BRD10: variants seen among roughly 807,000 people sequenced by gnomAD.
The protein encoded by BRD10 is bromodomain containing 10.
chr9:5,921,907 T>C, the BRD10 span: 2 of 1,613,906 alleles, frequency 1.2e-6, no homozygotes, highest in Non-Finnish European at 1.7e-6. Context: ...TCCCCATGGA[T>C]GGGGCAAAGC....
the BRD10 span, among the ~76,000 whole-genome samples, chr9:5,987,689 A>T: frequency 6.6e-6 from 1 of 152,214 alleles, no homozygotes; most frequent in African/African-American, 2.4e-5. Flanking sequence ...AAGTCCTTAT[A>T]ACATTAGTAA....
the BRD10 span, among the ~76,000 whole-genome samples, chr9:5,926,137 C>CA: frequency 6.6e-6 from 1 of 152,064 alleles, no homozygotes; most frequent in Non-Finnish European, 1.5e-5. Context: ...AAGCTGGTCT[C>CA]AAATTCCTGA....
the BRD10 span, among the ~76,000 whole-genome samples, chr9:5,946,286 C>A: frequency 6.6e-6 from 1 of 151,642 alleles, no homozygotes; most frequent in African/African-American, 2.4e-5. Flanking sequence ...TAGAATTGAC[C>A]AAGTAGGGAA....
the BRD10 span, among the ~76,000 whole-genome samples, chr9:5,983,957 T>C: frequency 7.4e-5 from 9 of 121,500 alleles, no homozygotes; most frequent in Non-Finnish European, 1.2e-4. Context: ...TATATGTATA[T>C]GCATTACACA....
At chr9:5,913,229 C>T in the BRD10 span, among the ~76,000 whole-genome samples, 1 of 152,188 alleles carries the variant, frequency 6.6e-6, no homozygotes, top group Non-Finnish European at 1.5e-5. Flanking sequence ...GACCAGTCCT[C>T]TGAAGTCACA....
chr9:5,951,035 TACACACAC>T, the BRD10 span, among the ~76,000 whole-genome samples: 24,313 of 141,638 alleles, frequency 0.17, 2,111 homozygotes, highest in Middle Eastern at 0.26. Flanking sequence ...GGGCTGACTG[TACACACAC>T]ACACACACAC....
At chr9:5,934,614 C>T in the BRD10 span, among the ~76,000 whole-genome samples, 1 of 152,160 alleles carries the variant, frequency 6.6e-6, no homozygotes, top group Middle Eastern at 3.4e-3. Context: ...GATCCACCTG[C>T]CTTGGCCTCC....
At chr9:5,997,990 A>G in the BRD10 span, among the ~76,000 whole-genome samples, 1 of 152,212 alleles carries the variant, frequency 6.6e-6, no homozygotes, top group African/African-American at 2.4e-5. Context: ...AATAGAAAGA[A>G]ATAGGCAAGA....
the BRD10 span, among the ~76,000 whole-genome samples, chr9:5,965,324 A>G: frequency 4.9e-4 from 75 of 152,278 alleles, no homozygotes; most frequent in African/African-American, 1.7e-3. Context: ...ATTCAAAAAA[A>G]AAACACTACG....
chr9:5,909,664 T>C, the BRD10 span: 1 of 152,230 alleles, frequency 6.6e-6, no homozygotes, highest in Non-Finnish European at 1.5e-5. Context: ...AACCAGAAAT[T>C]GGTAGAAGGA....
At chr9:5,916,561 T>C in the BRD10 span, among the ~76,000 whole-genome samples, 1 of 139,806 alleles carries the variant, frequency 7.2e-6, no homozygotes, top group South Asian at 2.5e-4. Flanking sequence ...TCACTATATA[T>C]AAAACATATA....
chr9:6,007,117 G>A, the BRD10 span: 6 of 1,452,496 alleles, frequency 4.1e-6, no homozygotes, highest in Admixed American at 5.5e-5. Context: ...CAGGCCCCTG[G>A]CCCAGCCCAT....
the BRD10 span, among the ~76,000 whole-genome samples, chr9:5,933,411 A>C: frequency 6.6e-6 from 1 of 152,192 alleles, no homozygotes; most frequent in Admixed American, 6.5e-5. Flanking sequence ...GGAACCAAAG[A>C]CATACAATAT....
the BRD10 span, chr9:5,920,796 T>C: frequency 6.2e-7 from 1 of 1,613,974 alleles, no homozygotes; most frequent in South Asian, 1.1e-5. Flanking sequence ...GTTAAACATT[T>C]AGGAGACACT....
chr9:5,908,579 C>T, the BRD10 span: 1 of 1,368,450 alleles, frequency 7.3e-7, no homozygotes, highest in Non-Finnish European at 1.0e-6. Context: ...TTAACTTAAT[C>T]CCTTCCTAGA....
At chr9:5,969,210 G>A in the BRD10 span, 2 of 1,613,766 alleles carry the variant, frequency 1.2e-6, no homozygotes, top group East Asian at 2.2e-5. Context: ...ATTTTCGATA[G>A]AAAAGCATTA....
the BRD10 span, among the ~76,000 whole-genome samples, chr9:5,887,987 G>A: frequency 6.6e-6 from 1 of 152,144 alleles, no homozygotes; most frequent in Non-Finnish European, 1.5e-5. Flanking sequence ...CCAGTATCTG[G>A]TGGGTTGGTA....
At chr9:5,943,221 G>C in the BRD10 span, among the ~76,000 whole-genome samples, 1 of 152,054 alleles carries the variant, frequency 6.6e-6, no homozygotes, top group African/African-American at 2.4e-5. Context: ...AGTACCAATG[G>C]AAATGAGGTG....
chr9:5,948,365 A>C, the BRD10 span, among the ~76,000 whole-genome samples: 1 of 152,080 alleles, frequency 6.6e-6, no homozygotes, highest in Admixed American at 6.6e-5. Context: ...TAACAACTGA[A>C]CTTGTATTAT....
Sources: allele counts gnomAD v4.1 joint callset (sites outside exome capture counted in the v4.1 genomes callset), GRCh38; gene constraint gnomAD v4.1.1; transcripts MANE v1.5; gene names NCBI Gene and HGNC (gene_info 2026-07-23, HGNC 2026-07-21).